COL4A3: variants seen among roughly 807,000 people sequenced by gnomAD.
The protein encoded by COL4A3 is collagen alpha-3(IV) chain.
COL4A3 carries 135 observed loss-of-function variants against 217.4 expected under a neutral mutation model. That is an observed-to-expected ratio of 0.62 (90% CI 0.54 to 0.72). The LOEUF is 0.72. Ranked by LOEUF, COL4A3 falls within the 30% of genes least tolerant of loss-of-function variation. The pLI, the probability that COL4A3 is intolerant of heterozygous loss-of-function variation, is 0.00. For missense variants in COL4A3, 1,868 were observed against 2,119.9 expected (o/e 0.88, Z 2.33); for synonymous variants, 690 against 736.3 (o/e 0.94, Z 1.02).
At chr2:227,174,511 A>G (rs922067931) in intron 1 of COL4A3, among the ~76,000 whole-genome samples, 1 of 151,096 alleles carries the variant, frequency 6.6e-6, no homozygotes, top group African/African-American at 2.5e-5. Flanking sequence ...TATTATTATT[A>G]TTATTATTAT....
intron 20 of COL4A3, 33 bp downstream of exon 20, chr2:227,261,150 A>G (rs1421740163): frequency 1.9e-6 from 3 of 1,574,854 alleles, no homozygotes; most frequent in Non-Finnish European, 2.6e-6. Flanking sequence ...ACAAATAGAA[A>G]TGCTATTACA....
chr2:227,270,730 T>C, intron 24 of COL4A3, 40 bp from the exon 25 acceptor site: 3 of 1,597,236 alleles, frequency 1.9e-6, no homozygotes, highest in South Asian at 1.1e-5. Context: ...AGAAGAATTC[T>C]AACAAAATAC....
intron 1 of COL4A3, among the ~76,000 whole-genome samples, chr2:227,219,098 G>A (rs957536850): frequency 2.0e-5 from 3 of 151,834 alleles, no homozygotes; most frequent in Admixed American, 6.6e-5. Context: ...AGGTTCAAGC[G>A]ATTCTCCTGC....
chr2:227,251,425 G>GCCAA, intron 11 of COL4A3, 54 bp downstream of exon 11: 1 of 1,549,836 alleles, frequency 6.5e-7, no homozygotes. Flanking sequence ...CAATCTCAAA[G>GCCAA]CCAAACCTGG....
chr2:227,294,928 AGTTTGGG>A (rs745403121), intron 39 of COL4A3, 29 bp from the exon 40 acceptor site: 8 of 1,442,996 alleles, frequency 5.5e-6, no homozygotes, highest in Non-Finnish European at 9.6e-7. Flanking sequence ...TGTATACCAT[AGTTTGGG>A]GTTTTTGGGT....
At chr2:227,208,896 C>A (rs2067207286) in intron 1 of COL4A3, among the ~76,000 whole-genome samples, 1 of 151,670 alleles carries the variant, frequency 6.6e-6, no homozygotes, top group African/African-American at 2.4e-5. Context: ...ATGCTGTGTG[C>A]AAATATTTCA....
At chr2:227,283,139 TTTG>T (rs1331593474) in intron 32 of COL4A3, among the ~76,000 whole-genome samples, 4 of 152,192 alleles carry the variant, frequency 2.6e-5, no homozygotes, top group African/African-American at 9.7e-5. Flanking sequence ...AGTTATCTGA[TTTG>T]TTGTTGTTGT....
intron 1 of COL4A3, among the ~76,000 whole-genome samples, chr2:227,235,464 T>C (rs1400869816): frequency 1.3e-5 from 2 of 152,192 alleles, no homozygotes; most frequent in Admixed American, 6.5e-5. Context: ...TTTATTTCAA[T>C]AGGTTATTGG....
chr2:227,199,922 T>C (rs2066620247), intron 1 of COL4A3, among the ~76,000 whole-genome samples: 2 of 152,270 alleles, frequency 1.3e-5, no homozygotes, highest in African/African-American at 4.8e-5. Flanking sequence ...TATCTTTATA[T>C]ATGTTAACTC....
intron 46 of COL4A3, 38 bp from the exon 47 acceptor site, chr2:227,304,947 A>G (rs369581761): frequency 1.1e-5 from 17 of 1,545,488 alleles, no homozygotes; most frequent in African/African-American, 1.1e-4. Context: ...TTTTCATCCT[A>G]TATGATAAAA....
intron 23 of COL4A3, among the ~76,000 whole-genome samples, chr2:227,269,415 T>C (rs1256115404): frequency 6.6e-6 from 1 of 152,182 alleles, no homozygotes; most frequent in Non-Finnish European, 1.5e-5. Context: ...GCCAACACAA[T>C]AGGCAGCATG....
At chr2:227,196,088 A>G (rs1333667848) in intron 1 of COL4A3, among the ~76,000 whole-genome samples, 2 of 152,122 alleles carry the variant, frequency 1.3e-5, no homozygotes, top group Non-Finnish European at 2.9e-5. Flanking sequence ...AAATTTATAA[A>G]GTAAAAAAGT....
Position 227,280,456 on chromosome 2 carries a change from C to G in COL4A3, c.2240C>G (p.Ala747Gly). The change falls in exon 30 of 52, where the codon GCC becomes GGC. Residue 747 changes from alanine to glycine, a missense_variant. Physicochemically the swap from Ala to Gly is moderately conservative, Grantham distance 60 (BLOSUM62 0). Transcript: ENST00000396578. The part of the protein sequence containing the change: ...LPGAKGEPAV[A>G]MPGGPGTPGF... ...ATGCTGTAGGGAGAACCAGCAGTAGCCATGCCTGGAGGACCAGGAACACCA... is the reference window on the plus strand; with the variant it reads ...ATGCTGTAGGGAGAACCAGCAGTAGGCATGCCTGGAGGACCAGGAACACCA... 1.2e-6 allele frequency: 2 copies of G among 1,614,086 alleles called. No homozygotes were observed. The highest frequency in any genetic ancestry group is 1.7e-6 in the Non-Finnish European group (2 of 1,179,992).
At chr2:227,275,650 T>G (rs567629764) in intron 26 of COL4A3, among the ~76,000 whole-genome samples, 15 of 152,338 alleles carry the variant, frequency 9.8e-5, no homozygotes, top group Admixed American at 7.2e-4. Flanking sequence ...GCCACTGTGG[T>G]CAGAATATTA....
At position 227,191,814 on chromosome 2, in the gene COL4A3, C is replaced by T. The variant is rs1287571652; in HGVS notation, c.87+27001C>T. 6.6e-6 allele frequency among the ~76,000 whole-genome samples: 1 copy of T among 152,000 alleles called. No individual in the cohort carries two copies. Among genetic ancestry groups the T allele is most frequent in the East Asian group, 1.9e-4 (1 of 5,188 alleles). On this transcript the variant is annotated intron_variant, in intron 1 of 51. Coordinates refer to ENST00000396578, the MANE Select transcript of COL4A3 (RefSeq NM_000091.5). This position sits in a 1 kb window ranked among gnomAD's most constrained non-coding sequence, Gnocchi z 6.8. ...TTTTTCATAATTAGTTTCTGGAACG[C>T]TAATAATAAGAAGAACTTAGAATAT...
intron 2 of COL4A3, among the ~76,000 whole-genome samples, chr2:227,239,245 T>TA (rs11331207): frequency 2.6e-5 from 4 of 151,740 alleles, no homozygotes; most frequent in African/African-American, 7.3e-5. Context: ...ATAATACAAA[T>TA]AAAAAAATGC....
At chr2:227,235,323 A>G (rs754104469) in intron 1 of COL4A3, among the ~76,000 whole-genome samples, 3 of 152,250 alleles carry the variant, frequency 2.0e-5, no homozygotes, top group Non-Finnish European at 2.9e-5. Flanking sequence ...AAAATCATTT[A>G]GTCAAGACAT....
At position 227,268,874 on chromosome 2, in the gene COL4A3, C is replaced by T. The variant is rs112373701; in HGVS notation, c.1505-1036C>T. ...TTTTCCTATACTCTCCTTGAGTCTC[C>T]TCTTTGGCTCAAGGGGAGCAGGTGA... is the stretch of plus-strand genomic sequence containing the variant. On this transcript the variant is annotated intron_variant, in intron 23 of 51. Coordinates refer to ENST00000396578, the MANE Select transcript of COL4A3 (RefSeq NM_000091.5). 1.2e-3 allele frequency: 186 copies of T among 152,196 alleles called. 1 individual carries two copies. Among genetic ancestry groups the T allele is most frequent in the African/African-American group, 4.3e-3 (180 of 41,536 alleles). 9.4% of individuals were successfully genotyped at this position (152,196 alleles called of 1,614,324 possible). A position where few individuals can be genotyped will look rare whatever the true frequency, so the allele number is the denominator to read the frequency against.
intron 1 of COL4A3, among the ~76,000 whole-genome samples, chr2:227,185,667 T>C (rs901803407): frequency 2.0e-5 from 3 of 152,180 alleles, no homozygotes; most frequent in Non-Finnish European, 4.4e-5. Context: ...AGAGAAAACA[T>C]TCCTTGTCAA....
Sources: gnomAD v4.1 joint callset for allele counts (sites outside exome capture counted in the v4.1 genomes callset) on GRCh38, gnomAD v4.1.1 for gene constraint, Gnocchi (gnomAD v3.1) non-coding constraint, MANE v1.5 for transcripts, NCBI Gene and HGNC (gene_info 2026-07-23, HGNC 2026-07-21) for gene names.